Variants in ITGA9 observed in about 807,000 individuals in gnomAD.
The protein encoded by ITGA9 is integrin subunit alpha 9, also known as integrin alpha-9.
Under a neutral mutation model 127.8 loss-of-function variants are expected in ITGA9, and 56 were observed. That is an observed-to-expected ratio of 0.44 (90% CI 0.35 to 0.55). The LOEUF is 0.55. ITGA9 is among the 20% of genes least tolerant of loss of function. The pLI, the probability that ITGA9 is intolerant of heterozygous loss-of-function variation, is 0.00. For synonymous variants in ITGA9, 508 were observed against 514.5 expected, an observed-to-expected ratio of 0.99 and a Z score of 0.17; for missense variants, 1,196 against 1,347.1, an observed-to-expected ratio of 0.89 and a Z score of 1.76.
intron 16 of ITGA9, among the ~76,000 whole-genome samples, chr3:37,652,638 G>A (rs969146769): frequency 1.6e-4 from 24 of 152,152 alleles, no homozygotes; most frequent in African/African-American, 4.8e-4. Context: ...GGTGCTGCCT[G>A]GACTTATTCT....
chr3:37,788,926 C>T (rs1349961972), intron 26 of ITGA9, among the ~76,000 whole-genome samples: 2 of 152,114 alleles, frequency 1.3e-5, no homozygotes, highest in Admixed American at 6.6e-5. Context: ...GTTTGTTTGT[C>T]AAAGCAGAAA....
chr3:37,456,965 C>T (rs2125545489), intron 1 of ITGA9, among the ~76,000 whole-genome samples: 1 of 152,260 alleles, frequency 6.6e-6, no homozygotes. Context: ...CTGCATTGGA[C>T]ACAACACAGA....
chr3:37,701,024 A>G (rs1700940472), intron 18 of ITGA9, among the ~76,000 whole-genome samples: 1 of 152,118 alleles, frequency 6.6e-6, no homozygotes, highest in Non-Finnish European at 1.5e-5. Context: ...TGGTGCTGGA[A>G]CTCATCACTG....
At chr3:37,712,270 G>A (rs1451390913) in intron 18 of ITGA9, among the ~76,000 whole-genome samples, 1 of 152,166 alleles carries the variant, frequency 6.6e-6, no homozygotes, top group Non-Finnish European at 1.5e-5. Flanking sequence ...CCTCAGTGTG[G>A]ACATTTCCAT....
intron 23 of ITGA9, among the ~76,000 whole-genome samples, chr3:37,764,266 T>TTC (rs1319159384): frequency 1.3e-5 from 2 of 151,970 alleles, no homozygotes; most frequent in Non-Finnish European, 2.9e-5. Context: ...TCTCTCCATA[T>TTC]TCTCCAAATA....
intron 26 of ITGA9, among the ~76,000 whole-genome samples, chr3:37,788,819 C>G (rs1458522259): frequency 6.6e-6 from 1 of 151,930 alleles, no homozygotes; most frequent in Admixed American, 6.6e-5. Flanking sequence ...TTTAATTATT[C>G]TTTAAATTTT....
chr3:37,718,769 C>T (rs1465634381), intron 18 of ITGA9, among the ~76,000 whole-genome samples: 1 of 152,152 alleles, frequency 6.6e-6, no homozygotes, highest in Non-Finnish European at 1.5e-5. Flanking sequence ...AAATGCATGC[C>T]GACGCCACAT....
chr3:37,579,794 G>GT (rs1443579314), intron 15 of ITGA9, among the ~76,000 whole-genome samples: 2 of 152,020 alleles, frequency 1.3e-5, no homozygotes, highest in Non-Finnish European at 2.9e-5. Context: ...TCTCCTCTTT[G>GT]TATCAAGCCA....
At chr3:37,535,857 G>A (rs966202605) in intron 14 of ITGA9, among the ~76,000 whole-genome samples, 3 of 152,172 alleles carry the variant, frequency 2.0e-5, no homozygotes, top group African/African-American at 7.2e-5. Context: ...ACTTTCTCTG[G>A]CATTCATATC....
At chr3:37,624,584 C>T (rs1700159016) in intron 15 of ITGA9, among the ~76,000 whole-genome samples, 1 of 152,016 alleles carries the variant, frequency 6.6e-6, no homozygotes, top group African/African-American at 2.4e-5. Flanking sequence ...GCCTCCCTGC[C>T]CCTGTCAGAG....
At chr3:37,600,252 AT>A (rs1699904793) in intron 15 of ITGA9, among the ~76,000 whole-genome samples, 1 of 152,202 alleles carries the variant, frequency 6.6e-6, no homozygotes, top group South Asian at 2.1e-4. Context: ...GGAATAAGGA[AT>A]TAAGGTATTT....
In ITGA9 at chr3:37,819,155, C is replaced by T. The variant is rs1697480749; in HGVS notation, c.*166C>T. The T allele has an allele frequency of 7.5e-6, 5 of 665,922 alleles. No individual in the cohort carries two copies. Among genetic ancestry groups the T allele is most frequent in the South Asian group, 6.8e-5 (4 of 58,870 alleles). The allele number at this position is 665,922 out of a possible 1,614,324, so 41.3% of individuals were successfully genotyped here. On this transcript the variant is annotated 3_prime_UTR_variant, in exon 28 of 28. Transcript: ENST00000264741. The stretch of plus-strand genomic sequence containing the variant: ...AGGTGCCAGCCTGAGGCAGCCACTT[C>T]GGCCAGGTCACACGACCGGGGCCAG...
At position 37,511,962 on chromosome 3, in the gene ITGA9, CTCTTTCTTT is replaced by C. The variant is rs1330068175; in HGVS notation, c.898-1795_898-1787del. Among the ~76,000 whole-genome samples the C allele has an allele frequency of 6.9e-3, 642 of 93,468 alleles. 75 individuals are homozygous for C. Among genetic ancestry groups the C allele is most frequent in the South Asian group, 0.049 (118 of 2,416 alleles). 61.3% of individuals were successfully genotyped at this position (93,468 alleles called of 152,430 possible). ...TTATTTTAAAAGAATAATGCTTTTT[CTCTTTCTTT>C]TCTTTTCTTTTCTTTTCTTTTCTTT... is the stretch of plus-strand genomic sequence containing the variant. On this transcript the variant is annotated intron_variant, in intron 8 of 27. Coordinates refer to ENST00000264741, the MANE Select transcript of ITGA9 (RefSeq NM_002207.3).
chr3:37,744,328 C>T (rs928860784), intron 22 of ITGA9, among the ~76,000 whole-genome samples: 6 of 152,216 alleles, frequency 3.9e-5, no homozygotes, highest in African/African-American at 1.4e-4. Context: ...TGTCCCAGCC[C>T]AGATGACCCC....
intron 23 of ITGA9, among the ~76,000 whole-genome samples, chr3:37,776,503 A>G (rs998891218): frequency 1.3e-5 from 2 of 152,240 alleles, no homozygotes; most frequent in Non-Finnish European, 2.9e-5. Flanking sequence ...TAAATTATGA[A>G]TTACTAATTA....
intron 16 of ITGA9, among the ~76,000 whole-genome samples, chr3:37,650,980 A>T (rs1575180639): frequency 6.6e-6 from 1 of 152,222 alleles, no homozygotes; most frequent in Admixed American, 6.5e-5. Context: ...CAATTTTCTT[A>T]ATGTAATACA....
At chr3:37,555,387 T>C (rs1249212315) in intron 15 of ITGA9, among the ~76,000 whole-genome samples, 1 of 152,264 alleles carries the variant, frequency 6.6e-6, no homozygotes, top group Non-Finnish European at 1.5e-5. Flanking sequence ...TGACCACATA[T>C]GACTGTGAGC....
chr3:37,808,135 CTA>C (rs928019166), intron 27 of ITGA9: 9 of 152,214 alleles, frequency 5.9e-5, no homozygotes, highest in African/African-American at 9.7e-5. Context: ...CCAGCTTTCT[CTA>C]TGTTTCCCTA....
chr3:37,461,705 G>A (rs1008673010), intron 1 of ITGA9, among the ~76,000 whole-genome samples: 3 of 152,150 alleles, frequency 2.0e-5, no homozygotes, highest in Non-Finnish European at 4.4e-5. Flanking sequence ...TTTTTGTTAT[G>A]CTCTACATAA....
Sources: gnomAD v4.1 joint callset for allele counts (sites outside exome capture counted in the v4.1 genomes callset) on GRCh38, gnomAD v4.1.1 for gene constraint, MANE v1.5 for transcripts, NCBI Gene and HGNC (gene_info 2026-07-23, HGNC 2026-07-21) for gene names.